The following GFY variants were observed in gnomAD, a reference collection of about 807,000 sequenced individuals.
GFY encodes the protein Golgi-associated olfactory signaling regulator.
In GFY, 28 loss-of-function variants were observed where a neutral mutation model predicts 29.1. The observed-to-expected ratio is 0.96, with a 90% CI of 0.71 to 1.32. The LOEUF is 1.32. Ranked by LOEUF, GFY falls within the 40% of genes most tolerant of loss-of-function variation. The pLI is 0.00. For synonymous variants in GFY, 277 were observed against 274.5 expected, an observed-to-expected ratio of 1.01 and a Z score of -0.09; for missense variants, 656 against 661.9, an observed-to-expected ratio of 0.99 and a Z score of 0.10.
rs1030609176 is a variant in GFY at position 49,426,323 on chromosome 19, G to C, written c.-21-87G>C. On this transcript the variant is annotated intron_variant, in intron 1 of 3. Coordinates refer to ENST00000610896, the MANE Select transcript of GFY (RefSeq NM_001195256.2). ...GGCCCCGGACAGACGTGGTCCACCT[G>C]TGTTCCAGTGGGCGTGGCCTCCGGG... 23 of 1,441,074 alleles carry C rather than the reference G, an allele frequency of 1.6e-5. No individual in the cohort carries two copies. In the African/African-American group the frequency reaches 3.2e-4, roughly 20 times the overall value. 89.3% of individuals were successfully genotyped at this position (1,441,074 alleles called of 1,614,324 possible).
In GFY at chr19:49,428,839, A is replaced by C. The variant is rs747926468; in HGVS notation, c.*21A>C. 1 of 1,413,170 alleles carries C rather than the reference A, an allele frequency of 7.1e-7. No individual in the cohort carries two copies. The highest frequency in any genetic ancestry group is 9.3e-7 in the Non-Finnish European group (1 of 1,080,770). The allele number at this position is 1,413,170 out of a possible 1,614,324, so 87.5% of individuals were successfully genotyped here. ...TGTGAGCCCCACCGAGTTCTGCCGG[A>C]CCTGCACATCCCCACAGTGAAGGAA... On this transcript the variant is annotated 3_prime_UTR_variant, in exon 4 of 4. Transcript: ENST00000610896.
chr19:49,428,579 G>A, intron 3 of GFY, 40 bp from the exon 4 acceptor site: 1 of 1,365,930 alleles, frequency 7.3e-7, no homozygotes, highest in Non-Finnish European at 9.5e-7. Flanking sequence ...GGGGCCTGGA[G>A]GGTCAGCCCA....
In GFY at chr19:49,427,285, C is replaced by A; in HGVS notation, c.855C>A (p.Tyr285Ter). The A allele has an allele frequency of 6.5e-7, 1 of 1,536,180 alleles. No homozygotes were observed. The highest frequency in any genetic ancestry group is 1.2e-5 in the South Asian group (1 of 84,062). Residue 285 changes from tyrosine to a stop codon, truncating the protein, a stop_gained, in exon 2 of 4, where the codon TAC becomes TAA. Transcript: ENST00000610896. LOFTEE classifies it high-confidence loss of function. ...ACCCTCAAATCTCCACTAGTCTCTA[C>A]CCAGAAACACCTGTGCCCTTCAAGG... ...TSDPQISTSL[Y>*]PETPVPFKDD...
chr19:49,428,733 C>A lies in GFY; in HGVS notation c.1472C>A (p.Pro491Gln). Reference protein sequence around the residue: ...KQPPPTPPLPPKLPPPPRGGR... With the variant: ...KQPPPTPPLPQKLPPPPRGGR... ...CCCCCGCCCACACCTCCTCTGCCAC[C>A]AAAGCTGCCCCCGCCGCCCCGCGGG... The change falls in exon 4 of 4, where the codon CCA becomes CAA. Residue 491 changes from proline to glutamine, a missense_variant. Physicochemically the swap from Pro to Gln is moderately conservative, Grantham distance 76 (BLOSUM62 -1). Transcript: ENST00000610896. 6.6e-7 allele frequency: 1 copy of A among 1,526,346 alleles called. No homozygotes were observed. Among genetic ancestry groups the A allele is most frequent in the Non-Finnish European group, 8.8e-7 (1 of 1,141,920 alleles). The allele number at this position is 1,526,346 out of a possible 1,614,324, so 94.6% of individuals were successfully genotyped here.
Position 49,428,808 on chromosome 19 carries a change from A to C in GFY, c.1547A>C (p.Asn516Thr). 1 of 1,443,134 alleles carries C rather than the reference A, an allele frequency of 6.9e-7. No homozygotes were observed. The highest frequency in any genetic ancestry group is 9.1e-7 in the Non-Finnish European group (1 of 1,099,602). The allele number at this position is 1,443,134 out of a possible 1,614,324, so 89.4% of individuals were successfully genotyped here. The change falls in exon 4 of 4, where the codon AAC (asparagine) becomes ACC (threonine). Residue 516 changes from asparagine (N) to threonine (T), a missense_variant. Transcript: ENST00000610896. ...EALSPATLPN[N>T]FV Reference sequence around the variant, plus strand: ...CTGTCCCCCGCCACGCTCCCCAACAACTTCGTGTGAGCCCCACCGAGTTCT... The same window carrying C: ...CTGTCCCCCGCCACGCTCCCCAACACCTTCGTGTGAGCCCCACCGAGTTCT...
chr19:49,426,381 A>T, intron 1 of GFY, 29 bp from the exon 2 acceptor site: 1 of 1,470,146 alleles, frequency 6.8e-7, no homozygotes. Flanking sequence ...CTTCGGCCTT[A>T]ACCCCTTCCT....
chr19:49,427,059 AC>A lies in GFY; in HGVS notation c.633del (p.Lys212AsnfsTer36), dbSNP rs1442676238. 3 of 1,535,216 alleles carry A rather than the reference AC, an allele frequency of 2.0e-6. No homozygotes were observed. Among genetic ancestry groups the A allele is most frequent in the Middle Eastern group, 1.7e-4 (1 of 5,986 alleles). ...AACACTAACCCTACCAAGACCCCTG[AC>A]CCCAAATCCCCAGAAAAGCATGACC... ...TSNTNPTKTPDPKSPEKHDLN... is the reference protein window; with the variant it reads ...TSNTNPTKTPXPKSPEKHDLN... On this transcript the variant is annotated frameshift_variant, in exon 2 of 4. Coordinates refer to ENST00000610896, the MANE Select transcript of GFY (RefSeq NM_001195256.2). LOFTEE classifies it high-confidence loss of function.
rs1037754817 is a variant in GFY, at chr19:49,428,983, C to A, written c.*165C>A. Among the ~76,000 whole-genome samples, 13 of 152,368 alleles carry A rather than the reference C, an allele frequency of 8.5e-5. No individual in the cohort carries two copies. The highest frequency in any genetic ancestry group is 2.9e-4 in the African/African-American group (12 of 41,576). ...CTGAGACCGAATAAATATCATGTTCCCATGGCTAGACCCCTCCTCTGGCCT... is the reference window on the plus strand; with the variant it reads ...CTGAGACCGAATAAATATCATGTTCACATGGCTAGACCCCTCCTCTGGCCT... On this transcript the variant is annotated 3_prime_UTR_variant, in exon 4 of 4. Transcript: ENST00000610896.
rs2078945186 is a variant in GFY at position 49,428,779 on chromosome 19, G to A, written c.1518G>A (p.Glu506=). ...GCGGGGGTCGCCCGCAGCGTCTGGA[G>A]GCCCTGTCCCCCGCCACGCTCCCCA... ...PPRGGRPQRL[E]ALSPATLPNN... is the part of the protein sequence containing the mutation. Residue 506 remains glutamate, a synonymous_variant, in exon 4 of 4, where the codon GAG becomes GAA. Coordinates refer to ENST00000610896, the MANE Select transcript of GFY (RefSeq NM_001195256.2). 3 of 1,489,060 alleles carry A rather than the reference G, an allele frequency of 2.0e-6. No homozygotes were observed. Among genetic ancestry groups the A allele is most frequent in the Non-Finnish European group, 2.7e-6 (3 of 1,122,600 alleles). The allele number at this position is 1,489,060 out of a possible 1,614,324, so 92.2% of individuals were successfully genotyped here. A position where few individuals can be genotyped will look rare whatever the true frequency, so the allele number is the denominator to read the frequency against.
chr19:49,428,233 T>TGGAAGAGCCAG, intron 3 of GFY, 114 bp downstream of exon 3: 1 of 1,292,028 alleles, frequency 7.7e-7, no homozygotes, highest in Non-Finnish European at 1.0e-6. Flanking sequence ...ATGAAAGCCC[T>TGGAAGAGCCAG]GGCTCTTCCA....
At position 49,428,937 on chromosome 19, in the gene GFY, G is replaced by A. The variant is rs949298370; in HGVS notation, c.*119G>A. ...GGGTCTAATATACAGAGATGCTTGC[G>A]CTGTGATCAGAGAACAAGGTCTGAG... On this transcript the variant is annotated 3_prime_UTR_variant, in exon 4 of 4. Transcript: ENST00000610896. 9.5e-6 allele frequency: 6 copies of A among 629,906 alleles called. No individual in the cohort carries two copies. The African/African-American group carries it at 1.2e-4, about 12-fold the overall frequency. 39.0% of individuals were successfully genotyped at this position (629,906 alleles called of 1,614,324 possible). A position where few individuals can be genotyped will look rare whatever the true frequency, so the allele number is the denominator to read the frequency against.
In GFY at chr19:49,426,556, T is replaced by A. The variant is rs1303661807; in HGVS notation, c.126T>A (p.Thr42=). The change falls in exon 2 of 4, where the codon ACT becomes ACA. Residue 42 remains threonine, a synonymous_variant. Coordinates refer to ENST00000610896, the MANE Select transcript of GFY (RefSeq NM_001195256.2). Reference sequence around the variant, plus strand: ...CGGACATGGCCCACCCCTCTGAGACTTCCCCTCTGAAGGGTGCTTCTGAAA... The same window carrying A: ...CGGACATGGCCCACCCCTCTGAGACATCCCCTCTGAAGGGTGCTTCTGAAA... ...GFPDMAHPSE[T]SPLKGASENS... 43 of 1,535,968 alleles carry A rather than the reference T, an allele frequency of 2.8e-5. No homozygotes were observed. Among genetic ancestry groups the A allele is most frequent in the South Asian group, 2.4e-5 (2 of 84,062 alleles).
Position 49,428,057 on chromosome 19 carries a change from G to A in GFY, c.1295G>A (p.Arg432His), listed in dbSNP as rs976190883. 9.8e-6 allele frequency: 15 copies of A among 1,535,484 alleles called. No individual in the cohort carries two copies. In the African/African-American group the frequency reaches 1.1e-4, roughly 11 times the overall value. ...TTTGTGCTGCTGTGGTGTCTTTACC[G>A]CCGGGCAGCTAGACAGCGGCCCTTC... ...GIFVLLWCLY[R>H]RAARQRPFAH... Residue 432 changes from arginine (R) to histidine (H), a missense_variant, in exon 3 of 4, where the codon CGC (arginine) becomes CAC (histidine). Arg to His is a conservative substitution (Grantham distance 29, BLOSUM62 0). Transcript: ENST00000610896.
At chr19:49,426,373 T>C (rs1485235591) in intron 1 of GFY, 37 bp from the exon 2 acceptor site, 6 of 1,451,352 alleles carry the variant, frequency 4.1e-6, no homozygotes, top group Middle Eastern at 5.0e-4. Context: ...CTGGGAGCCT[T>C]CGGCCTTAAC....
chr19:49,426,741 C>T lies in GFY; in HGVS notation c.311C>T (p.Thr104Ile). ...ACCCCGCACCCAGAGTCTCCTGAGA[C>T]CCCCAAAGCTGACTCACTCACAACC... is the stretch of plus-strand genomic sequence containing the variant. The part of the protein sequence containing the change: ...RETPHPESPE[T>I]PKADSLTTSI... The change falls in exon 2 of 4, where the codon ACC becomes ATC. Residue 104 changes from threonine to isoleucine, a missense_variant. By Grantham distance (89) the Thr-to-Ile change is moderately conservative. Coordinates refer to ENST00000610896, the MANE Select transcript of GFY (RefSeq NM_001195256.2). The T allele has an allele frequency of 6.5e-7, 1 of 1,535,754 alleles. No individual in the cohort carries two copies. The highest frequency in any genetic ancestry group is 8.7e-7 in the Non-Finnish European group (1 of 1,146,798).
rs1975088795 is a variant in GFY at position 49,427,469 on chromosome 19, C to T, written c.1039C>T (p.Pro347Ser). Residue 347 changes from proline (P) to serine (S), a missense_variant, in exon 2 of 4, where the codon CCT (proline) becomes TCT (serine). Coordinates refer to ENST00000610896, the MANE Select transcript of GFY (RefSeq NM_001195256.2). ...NSGPKESNVP[P>S]PSARIAGPPA... ...TGGCCCTAAGGAGTCCAACGTCCCT[C>T]CTCCCTCAGCCCGGATTGCAGGTCC... The T allele has an allele frequency of 2.0e-6, 3 of 1,535,150 alleles. No individual in the cohort carries two copies. Among genetic ancestry groups the T allele is most frequent in the South Asian group, 1.2e-5 (1 of 83,926 alleles).
At position 49,427,236 on chromosome 19, in the gene GFY, C is replaced by T; in HGVS notation, c.806C>T (p.Ala269Val). The T allele has an allele frequency of 6.5e-7, 1 of 1,536,128 alleles. No homozygotes were observed. The highest frequency in any genetic ancestry group is 8.7e-7 in the Non-Finnish European group (1 of 1,146,910). The change falls in exon 2 of 4, where the codon GCA (alanine) becomes GTA (valine). Residue 269 changes from alanine to valine, a missense_variant. Physicochemically the swap from Ala to Val is moderately conservative, Grantham distance 64 (BLOSUM62 0). Coordinates refer to ENST00000610896, the MANE Select transcript of GFY (RefSeq NM_001195256.2). ...TTCCCCACAACCTACTACCAAAATG[C>T]AACAGATGTACCCAGGACCTCCGAC... ...TEFPTTYYQNATDVPRTSDPQ... is the reference protein window; with the variant it reads ...TEFPTTYYQNVTDVPRTSDPQ...
rs1447732712 is a variant in GFY, at chr19:49,428,153, T to C, written c.1357+34T>C. The C allele has an allele frequency of 2.6e-6, 4 of 1,514,658 alleles. No homozygotes were observed. The Admixed American group carries it at 7.9e-5, about 30-fold the overall frequency. 93.8% of individuals were successfully genotyped at this position (1,514,658 alleles called of 1,614,324 possible). On this transcript the variant is annotated intron_variant, in intron 3 of 3. Coordinates refer to ENST00000610896, the MANE Select transcript of GFY (RefSeq NM_001195256.2). ...CCTGCCCCTTGAATGCCTGCACTTT[T>C]CCATAACCTGGTCTCTCCCGGCACT...
chr19:49,425,221 C>CA (rs1331588218), upstream of GFY, among the ~76,000 whole-genome samples: 2 of 151,766 alleles, frequency 1.3e-5, no homozygotes, highest in Non-Finnish European at 2.9e-5. Context: ...CCACTGGTTT[C>CA]AAAAAAATAA....
Sources: gnomAD v4.1 joint callset for allele counts (sites outside exome capture counted in the v4.1 genomes callset) on GRCh38, gnomAD v4.1.1 for gene constraint, MANE v1.5 for transcripts, NCBI Gene and HGNC (gene_info 2026-07-23, HGNC 2026-07-21) for gene names.